FAM20C: variants seen among roughly 807,000 people sequenced by gnomAD.
FAM20C encodes FAM20C golgi associated secretory pathway kinase.
FAM20C carries 40 observed loss-of-function variants against 51.5 expected under a neutral mutation model. That is an observed-to-expected ratio of 0.78 (90% CI 0.60 to 1.01). The LOEUF (loss-of-function observed/expected upper bound fraction) is 1.01, where lower values mean the gene tolerates loss of function less well. FAM20C is among the 50% of genes least tolerant of loss of function. FAM20C has a pLI of 0.00. For synonymous variants in FAM20C, 406 were observed against 380.6 expected (o/e 1.07, Z -0.78); for missense variants, 861 against 844.7 (o/e 1.02, Z -0.24).
intron 8 of FAM20C, among the ~76,000 whole-genome samples, chr7:257,812 C>CTGACTGGGGTGCTGGAGA: frequency 7.9e-6 from 1 of 126,402 alleles, no homozygotes; most frequent in Non-Finnish European, 1.8e-5. Context: ...GGTGGACCCA[C>CTGACTGGGGTGCTGGAGA]TGCCCGGGGT....
At chr7:200,583 G>T (rs915566136) in intron 2 of FAM20C, among the ~76,000 whole-genome samples, 2 of 152,254 alleles carry the variant, frequency 1.3e-5, no homozygotes, top group African/African-American at 4.8e-5. Context: ...ATGCGCACCT[G>T]CCGACTTTCC....
At chr7:241,554 G>A (rs1394880955) in intron 3 of FAM20C, among the ~76,000 whole-genome samples, 1 of 137,002 alleles carries the variant, frequency 7.3e-6, no homozygotes, top group Non-Finnish European at 1.5e-5. Flanking sequence ...GTTCTGTGGG[G>A]GTTGTGTGTG....
chr7:204,760 ACTGTTCT>A (rs896459002), intron 2 of FAM20C, among the ~76,000 whole-genome samples: 1 of 133,620 alleles, frequency 7.5e-6, no homozygotes, highest in African/African-American at 2.9e-5. Context: ...CCACATTGCC[ACTGTTCT>A]CTGTGCTCAG....
chr7:207,484 G>T lies in FAM20C; in HGVS notation c.785-1414G>T, dbSNP rs543019368. Among the ~76,000 whole-genome samples, 6 of 152,018 alleles carry T rather than the reference G, an allele frequency of 3.9e-5. No homozygotes were observed. In the South Asian group the frequency reaches 1.0e-3, roughly 26 times the overall value. The stretch of plus-strand genomic sequence containing the variant: ...GGGGCCGGGGCCAGCCCTGCCCCTC[G>T]CTCCGAGAGCAGCTCAAATGTTAGC... On this transcript the variant is annotated intron_variant, in intron 2 of 9. Coordinates refer to ENST00000313766, the MANE Select transcript of FAM20C (RefSeq NM_020223.4).
chr7:204,938 T>C (rs1786282316), intron 2 of FAM20C, among the ~76,000 whole-genome samples: 1 of 151,680 alleles, frequency 6.6e-6, no homozygotes, highest in South Asian at 2.1e-4. Flanking sequence ...CGTGGCACTC[T>C]TGTGGCCCTT....
In FAM20C at chr7:234,207, C is replaced by T. The variant is rs1019852066; in HGVS notation, c.864-12208C>T. On this transcript the variant is annotated intron_variant, in intron 3 of 9. Coordinates refer to ENST00000313766, the MANE Select transcript of FAM20C (RefSeq NM_020223.4). The stretch of plus-strand genomic sequence containing the variant: ...CGGGCTCGGCCGCCAGGATTTCACC[C>T]GGTTCTGCCGAGTCCCCCTCCTCGT... Among the ~76,000 whole-genome samples the T allele has an allele frequency of 5.0e-4, 76 of 152,350 alleles. 1 individual carries two copies. The highest frequency in any genetic ancestry group is 1.8e-3 in the African/African-American group (74 of 41,576).
intron 3 of FAM20C, chr7:228,871 G>A (rs561347086): frequency 2.2e-6 from 1 of 452,052 alleles, no homozygotes; most frequent in African/African-American, 2.0e-5. Flanking sequence ...GCTGGCTGGA[G>A]GGTCCCACGC....
intron 3 of FAM20C, among the ~76,000 whole-genome samples, chr7:234,431 G>A (rs1431691784): frequency 5.3e-5 from 8 of 152,130 alleles, no homozygotes; most frequent in Non-Finnish European, 7.4e-5. Flanking sequence ...CCCAGGCCCC[G>A]ACCACTCCCT....
At chr7:203,905 A>G (rs1424249345) in intron 2 of FAM20C, among the ~76,000 whole-genome samples, 1 of 152,222 alleles carries the variant, frequency 6.6e-6, no homozygotes, top group East Asian at 1.9e-4. Flanking sequence ...CCCAGTTACT[A>G]ATGGAAATGG....
intron 3 of FAM20C, among the ~76,000 whole-genome samples, chr7:241,547 C>T (rs965734191): frequency 1.1e-3 from 159 of 142,324 alleles, no homozygotes; most frequent in Non-Finnish European, 1.6e-3. Context: ...CAGCACTGTT[C>T]TGTGGGGGTT....
Position 256,741 on chromosome 7 carries a change from GA to G in FAM20C, c.1342del (p.Thr448ArgfsTer30). The G allele has an allele frequency of 1.3e-6, 2 of 1,536,184 alleles. No homozygotes were observed. Among genetic ancestry groups the G allele is most frequent in the South Asian group, 2.4e-5 (2 of 84,058 alleles). ...SHRILDVMDM[T>X]IFDFLMGNMD... ...ACCGCATCCTGGACGTCATGGACAT[GA>G]CGATCTTCGACTTCCTCATGGGTAC... is the stretch of plus-strand genomic sequence containing the variant. On this transcript the variant is annotated frameshift_variant, in exon 7 of 10. Coordinates refer to ENST00000313766, the MANE Select transcript of FAM20C (RefSeq NM_020223.4). LOFTEE classifies it high-confidence loss of function.
At chr7:226,107 G>T (rs567312134) in intron 3 of FAM20C, among the ~76,000 whole-genome samples, 1 of 152,180 alleles carries the variant, frequency 6.6e-6, no homozygotes, top group African/African-American at 2.4e-5. Context: ...GGGCTCACCT[G>T]ACCTGCTAGG....
intron 3 of FAM20C, among the ~76,000 whole-genome samples, chr7:213,815 G>A (rs537025399): frequency 6.6e-6 from 1 of 152,110 alleles, no homozygotes; most frequent in South Asian, 2.1e-4. Context: ...CCACCTCCTC[G>A]TCAGCGTGTG....
chr7:220,755 G>A (rs913426534), intron 3 of FAM20C, among the ~76,000 whole-genome samples: 2 of 152,234 alleles, frequency 1.3e-5, no homozygotes, highest in Non-Finnish European at 2.9e-5. Flanking sequence ...GAAGCTCCAC[G>A]TGGTGGGCAG....
At chr7:256,532 G>A (rs927178694) in intron 6 of FAM20C, 122 bp from the exon 7 acceptor site, 10 of 766,980 alleles carry the variant, frequency 1.3e-5, no homozygotes, top group East Asian at 2.7e-5. Context: ...GCCGCAGCCC[G>A]GGCGGGTCCA....
intron 3 of FAM20C, among the ~76,000 whole-genome samples, chr7:237,209 T>C (rs1787874659): frequency 1.3e-5 from 2 of 152,214 alleles, no homozygotes; most frequent in African/African-American, 2.4e-5. Context: ...AGAATCAGAT[T>C]GGCCTCGAGG....
intron 3 of FAM20C, among the ~76,000 whole-genome samples, chr7:220,654 C>G (rs1219136981): frequency 6.6e-6 from 1 of 152,128 alleles, no homozygotes; most frequent in Admixed American, 6.5e-5. Context: ...CAGCAGGGGG[C>G]GGTCTGGAGA....
At chr7:231,378 G>A (rs1166602995) in intron 3 of FAM20C, among the ~76,000 whole-genome samples, 1 of 152,094 alleles carries the variant, frequency 6.6e-6, no homozygotes, top group Non-Finnish European at 1.5e-5. Context: ...CGGCGTGGAG[G>A]ACTCTGTGGG....
At chr7:230,326 G>T (rs1448383460) in intron 3 of FAM20C, among the ~76,000 whole-genome samples, 1 of 131,138 alleles carries the variant, frequency 7.6e-6, no homozygotes, top group East Asian at 2.4e-4. Flanking sequence ...GGGGAGCTCA[G>T]CCCTGCCCAC....
Sources: gnomAD v4.1 joint callset for allele counts (sites outside exome capture counted in the v4.1 genomes callset) on GRCh38, gnomAD v4.1.1 for gene constraint, MANE v1.5 for transcripts, NCBI Gene and HGNC (gene_info 2026-07-23, HGNC 2026-07-21) for gene names.